Variants in ABCB5 observed in about 807,000 individuals in gnomAD.
ABCB5 encodes the protein ATP-binding cassette sub-family B member 5.
In ABCB5, 155 loss-of-function variants were observed where a neutral mutation model predicts 144.2. The ratio of observed to expected loss-of-function variants is 1.08; its 90% CI spans 0.94 to 1.23. The LOEUF (loss-of-function observed/expected upper bound fraction) is 1.23, where lower values mean the gene tolerates loss of function less well. Ranked by LOEUF, ABCB5 falls within the 50% of genes most tolerant of loss-of-function variation. The probability of loss-of-function intolerance (pLI) is 0.00; values close to 1 mark genes in which losing one functional copy is unlikely to be tolerated. For missense variants in ABCB5, 1,830 were observed against 1,520.8 expected (o/e 1.20, Z -3.38); for synonymous variants, 610 against 528.6 (o/e 1.15, Z -2.11).
At chr7:20,753,597 G>C (rs1782998154) in intron 27 of ABCB5, 91 bp downstream of exon 27, 14 of 1,421,202 alleles carry the variant, frequency 9.9e-6, no homozygotes, top group South Asian at 1.5e-5. Flanking sequence ...GAAAAACAAA[G>C]GCCTGGAAAG....
chr7:20,660,072 T>A lies in ABCB5; in HGVS notation c.1707+1396T>A, dbSNP rs58741945. ...TTGTGCCCGCAGTATTTTCATCCAC[T>A]GGTAATCACTTTAGGTAATCAAAAC... On this transcript the variant is annotated intron_variant, in intron 14 of 27. Coordinates refer to ENST00000404938, the MANE Select transcript of ABCB5 (RefSeq NM_001163941.2). 0.012 allele frequency: 11,470 copies of A among 985,184 alleles called. 781 individuals are homozygous for A. In the African/African-American group the frequency reaches 0.15, roughly 13 times the overall value. The allele number at this position is 985,184 out of a possible 1,614,324, so 61.0% of individuals were successfully genotyped here.
rs185864056 is a variant in ABCB5, at chr7:20,625,158, C to T, written c.54-1399C>T. 3.0e-3 allele frequency among the ~76,000 whole-genome samples: 461 copies of T among 152,262 alleles called. 11 individuals are homozygous for T. Among genetic ancestry groups the T allele is most frequent in the Admixed American group, 0.028 (425 of 15,294 alleles). ...TAGGGTTTTGCAATGGTAAAGCATT[C>T]TTTTGTCATCTCATGCCTCAGCCCA... On this transcript the variant is annotated intron_variant, in intron 2 of 27. Coordinates refer to ENST00000404938, the MANE Select transcript of ABCB5 (RefSeq NM_001163941.2).
At chr7:20,633,746 A>T (rs1784090491) in intron 5 of ABCB5, among the ~76,000 whole-genome samples, 1 of 152,152 alleles carries the variant, frequency 6.6e-6, no homozygotes, top group Non-Finnish European at 1.5e-5. Context: ...CTTTAGCATT[A>T]ACAAATATCT....
chr7:20,640,432 C>T (rs900782848), intron 5 of ABCB5, among the ~76,000 whole-genome samples: 1 of 152,098 alleles, frequency 6.6e-6, no homozygotes, highest in Non-Finnish European at 1.5e-5. Context: ...CACTATATCT[C>T]ACTCCTGAAT....
chr7:20,747,332 G>A (rs1019465310), intron 26 of ABCB5, among the ~76,000 whole-genome samples: 6 of 152,184 alleles, frequency 3.9e-5, no homozygotes, highest in Non-Finnish European at 5.9e-5. Context: ...GTGCAGTGGT[G>A]TGTTCTTGGT....
At chr7:20,638,684 G>A (rs183900835) in intron 5 of ABCB5, among the ~76,000 whole-genome samples, 1 of 152,120 alleles carries the variant, frequency 6.6e-6, no homozygotes, top group Non-Finnish European at 1.5e-5. Flanking sequence ...TAACAGGTAG[G>A]AGTAGTTTAT....
intron 15 of ABCB5, among the ~76,000 whole-genome samples, chr7:20,682,068 G>A (rs1275178323): frequency 6.6e-6 from 1 of 152,122 alleles, no homozygotes; most frequent in Non-Finnish European, 1.5e-5. Context: ...AGCTGGGTGT[G>A]GTGGTGTGTG....
intron 24 of ABCB5, among the ~76,000 whole-genome samples, chr7:20,740,597 T>C (rs954598126): frequency 1.2e-4 from 19 of 152,288 alleles, no homozygotes; most frequent in African/African-American, 4.1e-4. Context: ...TTTTTTTTAA[T>C]TTTAAGATTT....
chr7:20,754,521 T>C (rs951746582), intron 27 of ABCB5, among the ~76,000 whole-genome samples: 4 of 152,228 alleles, frequency 2.6e-5, no homozygotes, highest in Admixed American at 2.6e-4. Flanking sequence ...GGGAACATTT[T>C]ATGTATTCAA....
Position 20,700,092 on chromosome 7 carries a change from C to T in ABCB5, c.2294C>T (p.Thr765Met), listed in dbSNP as rs141490175. ...LFYGRAGEILTMRLRHLAFKA... is the reference protein window; with the variant it reads ...LFYGRAGEILMMRLRHLAFKA... ...TACGGCAGAGCAGGGGAAATTTTAA[C>T]GATGAGATTAAGACACTTGGCCTTC... Residue 765 changes from threonine (T) to methionine (M), a missense_variant, in exon 19 of 28, where the codon ACG (threonine) becomes ATG (methionine). By Grantham distance (81) the Thr-to-Met change is moderately conservative. Coordinates refer to ENST00000404938, the MANE Select transcript of ABCB5 (RefSeq NM_001163941.2). The T allele has an allele frequency of 1.3e-4, 202 of 1,613,720 alleles. No homozygotes were observed. In the African/African-American group the frequency reaches 2.1e-3, roughly 17 times the overall value.
In ABCB5 at chr7:20,647,590, T is replaced by C. The variant is rs1424923713; in HGVS notation, c.1037T>C (p.Phe346Ser). ...TGCATTGGAGCAGCAGTCCCTCACTTTGAAACCTTCGCAATAGCCCGAGGA... is the reference window on the plus strand; with the variant it reads ...TGCATTGGAGCAGCAGTCCCTCACTCTGAAACCTTCGCAATAGCCCGAGGA... ...SYCIGAAVPH[F>S]ETFAIARGAA... is the part of the protein sequence containing the mutation. Residue 346 changes from phenylalanine (F) to serine (S), a missense_variant, in exon 10 of 28, where the codon TTT becomes TCT. Transcript: ENST00000404938. 4.4e-6 allele frequency: 7 copies of C among 1,590,752 alleles called. No individual in the cohort carries two copies. The highest frequency in any genetic ancestry group is 6.0e-6 in the Non-Finnish European group (7 of 1,167,368).
At chr7:20,716,139 A>G (rs6967102) in intron 20 of ABCB5, among the ~76,000 whole-genome samples, 5,457 of 152,282 alleles carry the variant, frequency 0.036, 297 homozygotes, top group African/African-American at 0.12. Flanking sequence ...TAACTGCCCC[A>G]GTGGATATGT....
intron 9 of ABCB5, 126 bp from the exon 10 acceptor site, chr7:20,647,409 C>G (rs2128024230): frequency 7.2e-7 from 1 of 1,388,330 alleles, no homozygotes; most frequent in Non-Finnish European, 9.3e-7. Flanking sequence ...GTCATATCTT[C>G]CATTCTTTCT....
At chr7:20,737,161 A>G (rs1481450966) in intron 23 of ABCB5, among the ~76,000 whole-genome samples, 1 of 152,000 alleles carries the variant, frequency 6.6e-6, no homozygotes, top group African/African-American at 2.4e-5. Context: ...CTGTCTTAAA[A>G]AAAAAAAAAG....
chr7:20,626,438 A>G (rs902013829), intron 2 of ABCB5, 119 bp from the exon 3 acceptor site: 32 of 723,848 alleles, frequency 4.4e-5, no homozygotes, highest in Non-Finnish European at 6.8e-5. Flanking sequence ...TTAAAATTTC[A>G]GTGTTGGTAT....
At chr7:20,643,898 G>A (rs1008572058) in intron 7 of ABCB5, among the ~76,000 whole-genome samples, 3 of 152,174 alleles carry the variant, frequency 2.0e-5, no homozygotes, top group African/African-American at 7.2e-5. Context: ...ACTTCAAGTG[G>A]TAGCATGGAT....
intron 16 of ABCB5, among the ~76,000 whole-genome samples, chr7:20,690,046 T>C (rs1786163123): frequency 6.6e-6 from 1 of 152,182 alleles, no homozygotes; most frequent in East Asian, 1.9e-4. Flanking sequence ...ACAAAAAACC[T>C]TCAGGAGTTT....
intron 14 of ABCB5, among the ~76,000 whole-genome samples, chr7:20,665,109 C>G (rs1260193299): frequency 6.6e-6 from 1 of 152,078 alleles, no homozygotes; most frequent in Non-Finnish European, 1.5e-5. Context: ...TTTCACGTTC[C>G]TAATTAGGTA....
intron 5 of ABCB5, chr7:20,641,502 C>T (rs1486501904): frequency 6.6e-6 from 1 of 152,658 alleles, no homozygotes; most frequent in Non-Finnish European, 1.5e-5. Flanking sequence ...GGGCAACATA[C>T]CCAGATCCCG....
Sources: allele counts gnomAD v4.1 joint callset (sites outside exome capture counted in the v4.1 genomes callset), GRCh38; gene constraint gnomAD v4.1.1; transcripts MANE v1.5; gene names NCBI Gene and HGNC (gene_info 2026-07-23, HGNC 2026-07-21).